Variants in PHF14 observed in about 807,000 individuals in gnomAD.
The protein encoded by PHF14 is PHD finger protein 14.
In PHF14, 55 loss-of-function variants were observed where a neutral mutation model predicts 117.9. The observed-to-expected ratio is 0.47, with a 90% CI of 0.38 to 0.58. The LOEUF is 0.58. Ranked by LOEUF, PHF14 falls within the 20% of genes least tolerant of loss-of-function variation. The pLI is 0.00. For synonymous variants in PHF14, 409 were observed against 368.6 expected, an observed-to-expected ratio of 1.11 and a Z score of -1.26; for missense variants, 978 against 1,122.2, an observed-to-expected ratio of 0.87 and a Z score of 1.84.
chr7:11,164,105 G>A (rs1420542845), intron 17 of PHF14, among the ~76,000 whole-genome samples: 1 of 152,146 alleles, frequency 6.6e-6, no homozygotes, highest in Non-Finnish European at 1.5e-5. Flanking sequence ...AATATCATAA[G>A]AATATAGAAA....
Position 10,982,702 on chromosome 7 carries a change from C to T in PHF14, c.443C>T (p.Ala148Val), listed in dbSNP as rs988712186. The T allele has an allele frequency of 9.3e-6, 15 of 1,609,274 alleles. No homozygotes were observed. The highest frequency in any genetic ancestry group is 8.5e-5 in the Admixed American group (5 of 59,018). The change falls in exon 3 of 18, where the codon GCT becomes GTT. Residue 148 changes from alanine (A) to valine (V), a missense_variant. Ala to Val is a moderately conservative substitution (Grantham distance 64). Coordinates refer to ENST00000634607, the MANE Select transcript of PHF14 (RefSeq NM_001007157.2). The part of the protein sequence containing the change: ...ATVSENVAAS[A>V]AATTPATSPP... ...GTATCTGAGAATGTGGCTGCTTCTG[C>T]TGCTGCCACCACACCAGCCACAAGT... is the stretch of plus-strand genomic sequence containing the variant.
intron 16 of PHF14, chr7:11,063,375 C>G (rs1218792163): frequency 1.0e-6 from 1 of 982,174 alleles, no homozygotes; most frequent in Admixed American, 6.2e-5. Context: ...AATGAAATCC[C>G]AAGCATAAGC....
chr7:11,005,780 A>G (rs1327675933), intron 4 of PHF14, among the ~76,000 whole-genome samples: 3 of 151,118 alleles, frequency 2.0e-5, no homozygotes, highest in Admixed American at 6.6e-5. Flanking sequence ...ACCTAGAAGT[A>G]AAAATTCTTT....
At chr7:11,047,867 AAG>A (rs921374685) in intron 13 of PHF14, among the ~76,000 whole-genome samples, 28 of 119,398 alleles carry the variant, frequency 2.3e-4, no homozygotes, top group South Asian at 7.1e-4. Flanking sequence ...GGGCGGGAAA[AAG>A]AGAGGAAGGA....
chr7:11,117,121 A>G (rs1480554089), intron 17 of PHF14, among the ~76,000 whole-genome samples: 1 of 151,970 alleles, frequency 6.6e-6, no homozygotes, highest in Non-Finnish European at 1.5e-5. Context: ...CCTCCAGGTC[A>G]TATGTATTCA....
At chr7:11,056,814 ATATAT>A (rs1487067038) in intron 14 of PHF14, among the ~76,000 whole-genome samples, 1 of 148,782 alleles carries the variant, frequency 6.7e-6, no homozygotes, top group Non-Finnish European at 1.5e-5. Context: ...GGAATTAAAT[ATATAT>A]TATATTTTTA....
intron 16 of PHF14, among the ~76,000 whole-genome samples, chr7:11,092,995 G>C (rs893195760): frequency 2.6e-5 from 4 of 152,252 alleles, no homozygotes; most frequent in African/African-American, 9.6e-5. Flanking sequence ...TTGTCTCCCT[G>C]AGACAGTGAT....
chr7:11,138,091 A>G lies in PHF14; in HGVS notation c.2772+26624A>G, dbSNP rs564180453. 4.6e-5 allele frequency among the ~76,000 whole-genome samples: 7 copies of G among 150,790 alleles called. No homozygotes were observed. In the East Asian group the frequency reaches 1.4e-3, roughly 30 times the overall value. On this transcript the variant is annotated intron_variant, in intron 17 of 17. Coordinates refer to ENST00000634607, the MANE Select transcript of PHF14 (RefSeq NM_001007157.2). ...TTTGCTCTGTCACCCAGCAGGCTGG[A>G]GTGCAGTGGCACGATCTTGGCTCAC...
chr7:11,004,167 A>G (rs977088417), intron 4 of PHF14, among the ~76,000 whole-genome samples: 1 of 147,574 alleles, frequency 6.8e-6, no homozygotes, highest in South Asian at 2.2e-4. Context: ...GGATCGCTTG[A>G]GCCAGGGAGT....
intron 16 of PHF14, chr7:11,110,470 A>G (rs1787408975): frequency 1.2e-6 from 1 of 853,022 alleles, no homozygotes; most frequent in Admixed American, 6.2e-5. Context: ...CAACTGATGC[A>G]AAATTCTTTT....
chr7:11,103,410 A>G (rs1429917618), intron 16 of PHF14: 1 of 981,484 alleles, frequency 1.0e-6, no homozygotes, highest in Admixed American at 6.2e-5. Context: ...TATACAACCT[A>G]CCAGCTGAAA....
intron 9 of PHF14, 105 bp downstream of exon 9, chr7:11,036,793 A>T: frequency 9.3e-7 from 1 of 1,075,256 alleles, no homozygotes; most frequent in Admixed American, 2.5e-5. Flanking sequence ...CATGCTGCAT[A>T]TATCATAGAG....
At chr7:11,027,189 C>T (rs761923390) in intron 6 of PHF14, among the ~76,000 whole-genome samples, 3 of 152,162 alleles carry the variant, frequency 2.0e-5, no homozygotes, top group Non-Finnish European at 4.4e-5. Flanking sequence ...TCTCTGTTCA[C>T]AGTGTGGACA....
At chr7:11,016,879 C>T (rs946339473) in intron 5 of PHF14, among the ~76,000 whole-genome samples, 2 of 152,232 alleles carry the variant, frequency 1.3e-5, no homozygotes, top group East Asian at 3.9e-4. Context: ...CACCTCCCCC[C>T]ACCATTTCAC....
At chr7:11,133,408 C>T (rs1788137181) in intron 17 of PHF14, among the ~76,000 whole-genome samples, 1 of 151,932 alleles carries the variant, frequency 6.6e-6, no homozygotes, top group South Asian at 2.1e-4. Flanking sequence ...GTATAGTTAA[C>T]TGATACTTGA....
chr7:11,098,782 A>C (rs1393674124), intron 16 of PHF14, among the ~76,000 whole-genome samples: 1 of 152,126 alleles, frequency 6.6e-6, no homozygotes, highest in Non-Finnish European at 1.5e-5. Flanking sequence ...TTTAAAATTA[A>C]ATGCTTTGTA....
intron 9 of PHF14, 138 bp downstream of exon 9, chr7:11,036,826 T>C: frequency 4.1e-6 from 4 of 974,032 alleles, no homozygotes; most frequent in South Asian, 1.7e-5. Context: ...TCCTAATATG[T>C]TGTGGGTTTT....
rs575300291 is a variant in PHF14, at chr7:11,025,194, C to T, written c.1317+2215C>T. Among the ~76,000 whole-genome samples, 59 of 152,178 alleles carry T rather than the reference C, an allele frequency of 3.9e-4. 1 individual carries two copies. Among genetic ancestry groups the T allele is most frequent in the African/African-American group, 1.4e-3 (57 of 41,508 alleles). On this transcript the variant is annotated intron_variant, in intron 6 of 17. Coordinates refer to ENST00000634607, the MANE Select transcript of PHF14 (RefSeq NM_001007157.2). The stretch of plus-strand genomic sequence containing the variant: ...GTAGCCAAAGGTGACTGAACTGCTG[C>T]GATCTCATGATAAAAATTTGAACAG...
intron 17 of PHF14, among the ~76,000 whole-genome samples, chr7:11,123,432 A>G (rs1270967671): frequency 6.7e-6 from 1 of 148,510 alleles, no homozygotes; most frequent in African/African-American, 2.6e-5. Context: ...TTCTGAAGAT[A>G]TGATTAAATA....
Sources: gnomAD v4.1 joint callset for allele counts (sites outside exome capture counted in the v4.1 genomes callset) on GRCh38, gnomAD v4.1.1 for gene constraint, MANE v1.5 for transcripts, NCBI Gene and HGNC (gene_info 2026-07-23, HGNC 2026-07-21) for gene names.